RAD21L1: variants seen among roughly 807,000 people sequenced by gnomAD.
The protein encoded by RAD21L1 is double-strand-break repair protein rad21-like protein 1.
Under a neutral mutation model 69.0 loss-of-function variants are expected in RAD21L1, and 47 were observed. The ratio of observed to expected loss-of-function variants is 0.68; its 90% confidence interval spans 0.54 to 0.87. RAD21L1 has a LOEUF of 0.87. Among genes scored for constraint, RAD21L1 ranks in the 40% least tolerant of loss-of-function variants. RAD21L1 has a pLI of 0.00. For synonymous variants in RAD21L1, 177 were observed against 205.8 expected, an observed-to-expected ratio of 0.86 and a Z score of 1.20; for missense variants, 583 against 647.6, an observed-to-expected ratio of 0.90 and a Z score of 1.08.
intron 13 of RAD21L1, among the ~76,000 whole-genome samples, chr20:1,253,916 A>G (rs1054993694): frequency 1.3e-5 from 2 of 152,224 alleles, no homozygotes; most frequent in African/African-American, 4.8e-5. Flanking sequence ...GAAGCCTCCC[A>G]AAGTCCTGTG....
rs556244057 is a variant in RAD21L1, at chr20:1,235,979, G to A, written c.475+1788G>A. Among the ~76,000 whole-genome samples, 127 of 152,028 alleles carry A rather than the reference G, an allele frequency of 8.4e-4. 1 individual carries two copies. Among genetic ancestry groups the A allele is most frequent in the Non-Finnish European group, 1.2e-3 (79 of 68,000 alleles). On this transcript the variant is annotated intron_variant, in intron 5 of 13. Coordinates refer to ENST00000683101, the MANE Select transcript of RAD21L1 (RefSeq NM_001384355.1). ...GATGGAGTTTCACCATGTTGGCCAG[G>A]CTGGTTTTGAACTCCTGACCTCAGG...
chr20:1,255,756 G>T lies in RAD21L1; in HGVS notation c.*1299G>T, dbSNP rs978857025. ...AACCCCCTTCCCCCATATAACATCT[G>T]GCAACCACTCTTCTCCATGACTACA... is the stretch of plus-strand genomic sequence containing the variant. On this transcript the variant is annotated 3_prime_UTR_variant, in exon 14 of 14. Coordinates refer to ENST00000683101, the MANE Select transcript of RAD21L1 (RefSeq NM_001384355.1). 2.0e-5 allele frequency among the ~76,000 whole-genome samples: 3 copies of T among 152,024 alleles called. No individual in the cohort carries two copies. The highest frequency in any genetic ancestry group is 7.3e-5 in the African/African-American group (3 of 41,366).
At chr20:1,243,367 T>C (rs1183478476) in intron 10 of RAD21L1, among the ~76,000 whole-genome samples, 171 bp downstream of exon 10, 1 of 152,192 alleles carries the variant, frequency 6.6e-6, no homozygotes, top group Admixed American at 6.6e-5. Flanking sequence ...ATTGCATTTT[T>C]CTGCATTTTG....
Position 1,243,111 on chromosome 20 carries a change from C to G in RAD21L1, c.1098C>G (p.Cys366Trp). Residue 366 changes from cysteine (C) to tryptophan (W), a missense_variant, in exon 10 of 14, where the codon TGC becomes TGG. By Grantham distance (215) the Cys-to-Trp change is radical. Coordinates refer to ENST00000683101, the MANE Select transcript of RAD21L1 (RefSeq NM_001384355.1). Reference protein sequence around the residue: ...HAELKMLFTKCFLSSGFKLGR... With the variant: ...HAELKMLFTKWFLSSGFKLGR... ...TATTTTTACAGTTGTTTACAAAATG[C>G]TTTCTGTCCTCTGGCTTTAAACTTG... 3 of 1,525,686 alleles carry G rather than the reference C, an allele frequency of 2.0e-6. No individual in the cohort carries two copies. In the Admixed American group the frequency reaches 6.8e-5, roughly 35 times the overall value. The allele number at this position is 1,525,686 out of a possible 1,614,324, so 94.5% of individuals were successfully genotyped here.
At chr20:1,241,972 A>G (rs548395581) in intron 8 of RAD21L1, among the ~76,000 whole-genome samples, 6 of 152,158 alleles carry the variant, frequency 3.9e-5, no homozygotes, top group Admixed American at 3.9e-4. Context: ...TCAGTGGGAG[A>G]GGGAAAAATA....
chr20:1,244,493 A>G (rs931856282), intron 11 of RAD21L1, among the ~76,000 whole-genome samples: 1 of 152,088 alleles, frequency 6.6e-6, no homozygotes, highest in African/African-American at 2.4e-5. Context: ...TGTGTCATGG[A>G]ATGTTTTAGA....
rs894156664 is a variant in RAD21L1 at position 1,240,462 on chromosome 20, A to C, written c.856+28A>C. On this transcript the variant is annotated intron_variant, in intron 8 of 13. Transcript: ENST00000683101. ...CAGAGGCATTTACGGTTTTGTTTTA[A>C]TTTTTAATACACTGTTAACTTATTT... 2.6e-6 allele frequency: 4 copies of C among 1,530,532 alleles called. No individual in the cohort carries two copies. In the African/African-American group the frequency reaches 5.6e-5, roughly 21 times the overall value. 94.8% of individuals were successfully genotyped at this position (1,530,532 alleles called of 1,614,324 possible).
At position 1,255,856 on chromosome 20, in the gene RAD21L1, C is replaced by T. The variant is rs1433965875; in HGVS notation, c.*1399C>T. The stretch of plus-strand genomic sequence containing the variant: ...GCTTTCGATACGGGCTTCTTTCACT[C>T]ATAAATGTCTTTGAGACTTATCAAG... On this transcript the variant is annotated 3_prime_UTR_variant, in exon 14 of 14. Transcript: ENST00000683101. Among the ~76,000 whole-genome samples the T allele has an allele frequency of 6.6e-6, 1 of 152,192 alleles. No individual in the cohort carries two copies. The highest frequency in any genetic ancestry group is 1.5e-5 in the Non-Finnish European group (1 of 68,038).
chr20:1,240,024 A>AT (rs1467325882), intron 7 of RAD21L1, among the ~76,000 whole-genome samples: 4 of 152,156 alleles, frequency 2.6e-5, no homozygotes, highest in African/African-American at 7.2e-5. Flanking sequence ...GTTATCAGTC[A>AT]TTTACTGTAG....
At chr20:1,248,341 C>T (rs1250903081) in intron 12 of RAD21L1, among the ~76,000 whole-genome samples, 1 of 152,074 alleles carries the variant, frequency 6.6e-6, no homozygotes, top group Non-Finnish European at 1.5e-5. Flanking sequence ...TTCAAAGTAA[C>T]CGTAAGACCC....
Position 1,231,247 on chromosome 20 carries a change from C to G in RAD21L1, c.275-279C>G, listed in dbSNP as rs376596794. The stretch of plus-strand genomic sequence containing the variant: ...TGGTGAATGTCACTAGATGATGCCT[C>G]TTAGGTTTTTAGGGTTACAGAGGCT... On this transcript the variant is annotated intron_variant, in intron 3 of 13. Transcript: ENST00000683101. 4.9e-4 allele frequency among the ~76,000 whole-genome samples: 74 copies of G among 152,226 alleles called. 1 individual carries two copies. Among genetic ancestry groups the G allele is most frequent in the African/African-American group, 1.6e-3 (65 of 41,556 alleles).
chr20:1,243,353 C>T (rs2087656093), intron 10 of RAD21L1, among the ~76,000 whole-genome samples, 157 bp downstream of exon 10: 1 of 152,082 alleles, frequency 6.6e-6, no homozygotes, highest in African/African-American at 2.4e-5. Flanking sequence ...ATTATTACCT[C>T]GGTATTGCAT....
rs1463611737 is a variant in RAD21L1, at chr20:1,255,566, T to A, written c.*1109T>A. Among the ~76,000 whole-genome samples, 1 of 152,234 alleles carries A rather than the reference T, an allele frequency of 6.6e-6. No homozygotes were observed. Among genetic ancestry groups the A allele is most frequent in the Non-Finnish European group, 1.5e-5 (1 of 68,036 alleles). On this transcript the variant is annotated 3_prime_UTR_variant, in exon 14 of 14. Coordinates refer to ENST00000683101, the MANE Select transcript of RAD21L1 (RefSeq NM_001384355.1). ...ATTTTAAATGGCAAAATTGCCTTTT[T>A]AAAATTTCTTTTATTTTTTAAATTA... is the stretch of plus-strand genomic sequence containing the variant.
chr20:1,229,113 T>C (rs1487255155), intron 2 of RAD21L1, among the ~76,000 whole-genome samples: 1 of 152,246 alleles, frequency 6.6e-6, no homozygotes, highest in Non-Finnish European at 1.5e-5. Flanking sequence ...GCCTATGGTG[T>C]GTTAGGCACT....
chr20:1,245,656 T>G (rs945633300), intron 11 of RAD21L1, among the ~76,000 whole-genome samples: 3 of 152,132 alleles, frequency 2.0e-5, no homozygotes, highest in Non-Finnish European at 2.9e-5. Flanking sequence ...TCTCTTTTTC[T>G]TTCTTCCTTT....
At chr20:1,240,115 G>C (rs2087576477) in intron 7 of RAD21L1, among the ~76,000 whole-genome samples, 1 of 152,158 alleles carries the variant, frequency 6.6e-6, no homozygotes, top group Non-Finnish European at 1.5e-5. Flanking sequence ...GATGATACTT[G>C]ACTCACTCGA....
chr20:1,251,012 C>T (rs1216854129), intron 13 of RAD21L1, among the ~76,000 whole-genome samples: 1 of 152,126 alleles, frequency 6.6e-6, no homozygotes, highest in Non-Finnish European at 1.5e-5. Context: ...ATATTATTTC[C>T]TCTGTGGTTT....
In RAD21L1 at chr20:1,255,015, CATT is replaced by C. The variant is rs1043600704; in HGVS notation, c.*562_*564del. Among the ~76,000 whole-genome samples, 4 of 152,102 alleles carry C rather than the reference CATT, an allele frequency of 2.6e-5. No homozygotes were observed. Among genetic ancestry groups the C allele is most frequent in the Non-Finnish European group, 5.9e-5 (4 of 68,016 alleles). On this transcript the variant is annotated 3_prime_UTR_variant, in exon 14 of 14. Transcript: ENST00000683101. The stretch of plus-strand genomic sequence containing the variant: ...AATTTTATGGGGTTAATGAAAACAT[CATT>C]ATTTCTACACAGACTATTTGGTTGC...
chr20:1,233,732 A>G (rs1202625579), intron 4 of RAD21L1, among the ~76,000 whole-genome samples: 1 of 152,172 alleles, frequency 6.6e-6, no homozygotes, highest in Non-Finnish European at 1.5e-5. Flanking sequence ...ATCTGCCCTC[A>G]TGACCTAATT....
Sources: allele counts gnomAD v4.1 joint callset (sites outside exome capture counted in the v4.1 genomes callset), GRCh38; gene constraint gnomAD v4.1.1; transcripts MANE v1.5; gene names NCBI Gene and HGNC (gene_info 2026-07-23, HGNC 2026-07-21).